Variants in C3orf20 observed in about 807,000 individuals in gnomAD.
The protein encoded by C3orf20 is uncharacterized protein C3orf20.
A neutral mutation model predicts 88.3 loss-of-function variants in C3orf20; 76 were observed. The ratio of observed to expected loss-of-function variants is 0.86; its 90% CI spans 0.72 to 1.04. C3orf20 has a LOEUF of 1.04. C3orf20 is among the 50% of genes least tolerant of loss of function. The pLI, the probability that C3orf20 is intolerant of heterozygous loss-of-function variation, is 0.00. For missense variants in C3orf20, 1,056 were observed against 1,123.3 expected, an observed-to-expected ratio of 0.94 and a Z score of 0.86; for synonymous variants, 436 against 437.4, an observed-to-expected ratio of 1.00 and a Z score of 0.04.
intron 12 of C3orf20, among the ~76,000 whole-genome samples, chr3:14,739,450 G>A (rs951585778): frequency 5.9e-5 from 9 of 152,198 alleles, no homozygotes; most frequent in Non-Finnish European, 1.3e-4. Context: ...TGTCATCCAA[G>A]CTTCATTGTT....
chr3:14,743,092 A>G (rs868461447), intron 12 of C3orf20, among the ~76,000 whole-genome samples: 3 of 152,064 alleles, frequency 2.0e-5, no homozygotes, highest in Middle Eastern at 3.4e-3. Context: ...GTCTTAACTC[A>G]TTTCAGCATT....
intron 12 of C3orf20, among the ~76,000 whole-genome samples, chr3:14,731,479 A>G (rs755137756): frequency 1.4e-4 from 22 of 152,224 alleles, no homozygotes; most frequent in Non-Finnish European, 2.9e-4. Flanking sequence ...AGCAAAGGAA[A>G]AAGACACAGG....
intron 5 of C3orf20, among the ~76,000 whole-genome samples, chr3:14,697,733 A>AGT (rs1426343994): frequency 1.0e-3 from 100 of 96,804 alleles, no homozygotes; most frequent in African/African-American, 3.9e-3. Flanking sequence ...AACAGGCCCT[A>AGT]GTGTGTGATG....
At chr3:14,721,031 A>G (rs1575124496) in intron 9 of C3orf20, among the ~76,000 whole-genome samples, 1 of 152,234 alleles carries the variant, frequency 6.6e-6, no homozygotes, top group South Asian at 2.1e-4. Context: ...TACTGCTTAA[A>G]GGAAATCCCA....
At chr3:14,700,144 C>G (rs1023472453) in intron 5 of C3orf20, among the ~76,000 whole-genome samples, 1 of 152,314 alleles carries the variant, frequency 6.6e-6, no homozygotes, top group African/African-American at 2.4e-5. Context: ...GTTGTGTCAG[C>G]AATTCAAGAC....
Position 14,683,261 on chromosome 3 carries a change from C to T in C3orf20, c.484+64C>T, listed in dbSNP as rs1174068540. 7 of 1,508,378 alleles carry T rather than the reference C, an allele frequency of 4.6e-6. No individual in the cohort carries two copies. The South Asian group carries it at 6.8e-5, about 15-fold the overall frequency. The allele number at this position is 1,508,378 out of a possible 1,614,324, so 93.4% of individuals were successfully genotyped here. The stretch of plus-strand genomic sequence containing the variant: ...ACTACAGACGGGCGTCTCAGAGGCA[C>T]ATGCTGGGAACAGGTGGCAACTGTG... On this transcript the variant is annotated intron_variant, in intron 3 of 16. Coordinates refer to ENST00000253697, the MANE Select transcript of C3orf20 (RefSeq NM_032137.5).
At chr3:14,712,196 A>G (rs1182475787) in intron 7 of C3orf20, among the ~76,000 whole-genome samples, 2 of 151,844 alleles carry the variant, frequency 1.3e-5, no homozygotes. Flanking sequence ...ACACACACAC[A>G]CACACACACA....
In C3orf20 at chr3:14,681,023, G is replaced by T. The variant is rs889395843; in HGVS notation, c.-298-1147G>T. On this transcript the variant is annotated intron_variant, in intron 1 of 16. Transcript: ENST00000253697. ...TGCAAACCAGCAGGATGCTGGAAGG[G>T]TTTGCTCTTTGGGGCTCATGTTCCT... is the stretch of plus-strand genomic sequence containing the variant. Among the ~76,000 whole-genome samples the T allele has an allele frequency of 3.3e-5, 5 of 152,256 alleles. No individual in the cohort carries two copies. In the East Asian group the frequency reaches 7.7e-4, roughly 23 times the overall value.
At chr3:14,750,554 TA>T (rs3038830) in intron 12 of C3orf20, among the ~76,000 whole-genome samples, 77,049 of 142,494 alleles carry the variant, frequency 0.54, 20,299 homozygotes, top group South Asian at 0.62. Flanking sequence ...GACCCTGTCT[TA>T]AAAAAAAAAA....
At position 14,744,327 on chromosome 3, in the gene C3orf20, C is replaced by G. The variant is rs979873570; in HGVS notation, c.1941-13044C>G. Among the ~76,000 whole-genome samples the G allele has an allele frequency of 4.7e-4, 71 of 151,994 alleles. 2 individuals carry two copies. Among genetic ancestry groups the G allele is most frequent in the African/African-American group, 1.6e-3 (68 of 41,246 alleles). On this transcript the variant is annotated intron_variant, in intron 12 of 16. Transcript: ENST00000253697. ...GAGTCACCTGTGATCCAGTTCCCAA[C>G]AAGTTCCTCATCTCCATCTGAGACC... is the stretch of plus-strand genomic sequence containing the variant.
chr3:14,742,090 T>C (rs753851445), intron 12 of C3orf20, among the ~76,000 whole-genome samples: 3 of 152,226 alleles, frequency 2.0e-5, no homozygotes, highest in Non-Finnish European at 4.4e-5. Flanking sequence ...GGAAGCAAAC[T>C]AGTTAGAAGA....
chr3:14,727,108 C>A, intron 11 of C3orf20, 84 bp downstream of exon 11: 1 of 1,455,750 alleles, frequency 6.9e-7, no homozygotes, highest in Non-Finnish European at 9.6e-7. Flanking sequence ...AAGGGACAGA[C>A]CTTTACTTTA....
intron 1 of C3orf20, among the ~76,000 whole-genome samples, chr3:14,681,590 G>C (rs145325111): frequency 6.6e-6 from 1 of 152,202 alleles, no homozygotes; most frequent in Non-Finnish European, 1.5e-5. Flanking sequence ...CCTTTGCTAC[G>C]TGCTGTGGAT....
At chr3:14,676,347 C>A (rs1483513296) in intron 1 of C3orf20, among the ~76,000 whole-genome samples, 1 of 152,102 alleles carries the variant, frequency 6.6e-6, no homozygotes. Flanking sequence ...AAAATAATCA[C>A]CTTTTCCTTA....
chr3:14,696,616 G>C (rs2033015417), intron 5 of C3orf20, among the ~76,000 whole-genome samples: 2 of 151,854 alleles, frequency 1.3e-5, no homozygotes, highest in African/African-American at 4.8e-5. Context: ...GACCTCAAGT[G>C]ATCTGCCTGC....
chr3:14,679,877 CAAAA>C (rs1484547966), intron 1 of C3orf20, among the ~76,000 whole-genome samples: 1 of 151,802 alleles, frequency 6.6e-6, no homozygotes, highest in Non-Finnish European at 1.5e-5. Context: ...ACACATTTCT[CAAAA>C]AAAGATATAA....
chr3:14,752,700 A>G (rs2035253639), intron 12 of C3orf20, among the ~76,000 whole-genome samples: 1 of 152,250 alleles, frequency 6.6e-6, no homozygotes, highest in South Asian at 2.1e-4. Context: ...CACTTCTCAA[A>G]AGAAGACATT....
At chr3:14,679,321 AT>A (rs1234223358) in intron 1 of C3orf20, among the ~76,000 whole-genome samples, 2 of 152,250 alleles carry the variant, frequency 1.3e-5, no homozygotes, top group Non-Finnish European at 2.9e-5. Flanking sequence ...CAAAATAGAA[AT>A]TGGATAAATG....
chr3:14,685,897 C>T (rs905823840), intron 4 of C3orf20, among the ~76,000 whole-genome samples: 1 of 113,096 alleles, frequency 8.8e-6, no homozygotes, highest in Non-Finnish European at 1.6e-5. Flanking sequence ...GAGTCTCGCT[C>T]TGTTGCCACG....
Sources: allele counts gnomAD v4.1 joint callset (sites outside exome capture counted in the v4.1 genomes callset), GRCh38; gene constraint gnomAD v4.1.1; transcripts MANE v1.5; gene names NCBI Gene and HGNC (gene_info 2026-07-23, HGNC 2026-07-21).